Variants in ELMO1 observed in about 807,000 individuals in gnomAD.
The protein encoded by ELMO1 is engulfment and cell motility protein 1.
In ELMO1, 26 loss-of-function variants were observed where a neutral mutation model predicts 98.9. That is an observed-to-expected ratio of 0.26 (90% CI 0.19 to 0.36). The LOEUF is 0.36. Among genes scored for constraint, ELMO1 ranks in the 10% least tolerant of loss-of-function variants. The probability of loss-of-function intolerance (pLI) is 1.00; values close to 1 mark genes in which losing one functional copy is unlikely to be tolerated. For missense variants in ELMO1, 627 were observed against 935.2 expected (o/e 0.67, Z 4.30); for synonymous variants, 346 against 346.0 (o/e 1.00, Z 0.00).
At chr7:37,418,711 G>A (rs1269627915) in intron 1 of ELMO1, among the ~76,000 whole-genome samples, 2 of 152,216 alleles carry the variant, frequency 1.3e-5, no homozygotes, top group East Asian at 1.9e-4. Context: ...CAAGCGTGGA[G>A]ATGGAAAATC....
intron 13 of ELMO1, among the ~76,000 whole-genome samples, chr7:37,152,500 T>C (rs1417903178): frequency 6.6e-5 from 10 of 151,986 alleles, no homozygotes; most frequent in Admixed American, 5.2e-4. Context: ...ACTTAGTTTA[T>C]AGAATGTAGC....
intron 6 of ELMO1, among the ~76,000 whole-genome samples, chr7:37,255,300 C>T (rs1459076035): frequency 6.6e-6 from 1 of 152,142 alleles, no homozygotes; most frequent in Non-Finnish European, 1.5e-5. Flanking sequence ...GGGATGTGCA[C>T]ATGAGGACAG....
chr7:37,314,982 A>G (rs774139300), intron 3 of ELMO1, 60 bp from the exon 4 acceptor site: 263 of 1,510,906 alleles, frequency 1.7e-4, no homozygotes, highest in Non-Finnish European at 2.3e-4. Context: ...CATTTTTACA[A>G]TTTTTTAGTG....
At chr7:37,278,806 C>A (rs1344134560) in intron 4 of ELMO1, among the ~76,000 whole-genome samples, 1 of 152,180 alleles carries the variant, frequency 6.6e-6, no homozygotes. Flanking sequence ...AGGTGAGCAA[C>A]AAGGTCATCT....
intron 17 of ELMO1, among the ~76,000 whole-genome samples, chr7:36,892,381 C>T (rs961054147): frequency 6.6e-6 from 1 of 152,214 alleles, no homozygotes; most frequent in East Asian, 1.9e-4. Flanking sequence ...TGGGTTAGAT[C>T]CAACTCCTCT....
chr7:36,904,316 G>C (rs1036275103), intron 16 of ELMO1, among the ~76,000 whole-genome samples: 3 of 152,232 alleles, frequency 2.0e-5, no homozygotes, highest in Non-Finnish European at 4.4e-5. Context: ...CAGTTGGGAA[G>C]GGAGCTGCTC....
At chr7:37,289,452 C>CT (rs1331223793) in intron 4 of ELMO1, among the ~76,000 whole-genome samples, 16 of 152,212 alleles carry the variant, frequency 1.1e-4, no homozygotes, top group Admixed American at 1.0e-3. Flanking sequence ...AATGAACCAT[C>CT]TGTCATCAGC....
chr7:36,886,742 G>A (rs888343749), intron 18 of ELMO1, among the ~76,000 whole-genome samples: 1 of 152,208 alleles, frequency 6.6e-6, no homozygotes, highest in Non-Finnish European at 1.5e-5. Context: ...ACTTGTCCAG[G>A]AAAGAAACAG....
chr7:36,970,872 G>A (rs1196623049), intron 16 of ELMO1, among the ~76,000 whole-genome samples: 6 of 152,146 alleles, frequency 3.9e-5, no homozygotes, highest in African/African-American at 1.2e-4. Context: ...GAAGAACATC[G>A]ACGCACAGGA....
At chr7:37,161,109 T>G (rs957463870) in intron 13 of ELMO1, among the ~76,000 whole-genome samples, 1 of 152,170 alleles carries the variant, frequency 6.6e-6, no homozygotes, top group African/African-American at 2.4e-5. Flanking sequence ...TGGGCTCTTG[T>G]GAGGAGGCAG....
chr7:37,160,830 G>C (rs1320170899), intron 13 of ELMO1, among the ~76,000 whole-genome samples: 1 of 152,130 alleles, frequency 6.6e-6, no homozygotes, highest in Admixed American at 6.5e-5. Flanking sequence ...CATCAGGTAA[G>C]AGGCTGGCTA....
chr7:37,409,576 G>T (rs1033218025), intron 1 of ELMO1, among the ~76,000 whole-genome samples: 2 of 152,194 alleles, frequency 1.3e-5, no homozygotes, highest in South Asian at 2.1e-4. Flanking sequence ...GAAAGTTGAG[G>T]CTAATTGTTA....
chr7:37,142,697 T>C (rs1461455655), intron 13 of ELMO1, among the ~76,000 whole-genome samples: 2 of 152,204 alleles, frequency 1.3e-5, no homozygotes, highest in Non-Finnish European at 2.9e-5. Context: ...CTGTGCATCA[T>C]AGGCCAGCTG....
In ELMO1 at chr7:36,887,648, T is replaced by C; in HGVS notation, c.1626A>G (p.Pro542=). The change falls in exon 18 of 22, where the codon CCA becomes CCG. Residue 542 remains proline, a synonymous_variant. Transcript: ENST00000310758. ...GCTGTTTGATCAGCTCTAAGATTTCTGGCTGAATCTTCTCCTTTAGTTCCC... is the reference window on the plus strand; with the variant it reads ...GCTGTTTGATCAGCTCTAAGATTTCCGGCTGAATCTTCTCCTTTAGTTCCC... ...PILELKEKIQ[P]EILELIKQQR... is the part of the protein sequence containing the mutation. 6.8e-6 allele frequency: 11 copies of C among 1,614,096 alleles called. No individual in the cohort carries two copies. The highest frequency in any genetic ancestry group is 2.2e-5 in the South Asian group (2 of 91,078).
chr7:37,183,240 G>A (rs752751261), intron 13 of ELMO1, among the ~76,000 whole-genome samples: 13 of 152,236 alleles, frequency 8.5e-5, no homozygotes, highest in South Asian at 2.1e-4. Context: ...TATCGAGAGT[G>A]AGCAACACGT....
chr7:37,178,769 C>A (rs1039172384), intron 13 of ELMO1, among the ~76,000 whole-genome samples: 6 of 152,192 alleles, frequency 3.9e-5, no homozygotes, highest in Non-Finnish European at 8.8e-5. Context: ...AAACCTATAA[C>A]CCCAGTCTAA....
chr7:37,381,862 A>T (rs1388206649), intron 1 of ELMO1, among the ~76,000 whole-genome samples: 1 of 152,174 alleles, frequency 6.6e-6, no homozygotes, highest in Non-Finnish European at 1.5e-5. Context: ...TCAATAACAA[A>T]GGTTAGGATC....
chr7:36,884,645 T>TCA (rs1405295547), intron 18 of ELMO1, among the ~76,000 whole-genome samples: 1 of 152,212 alleles, frequency 6.6e-6, no homozygotes, highest in Non-Finnish European at 1.5e-5. Context: ...TCTGTAAATG[T>TCA]CTGCATGTGA....
intron 11 of ELMO1, among the ~76,000 whole-genome samples, chr7:37,215,930 C>T (rs917683958): frequency 3.9e-5 from 6 of 152,094 alleles, no homozygotes; most frequent in African/African-American, 1.4e-4. Context: ...TGTAAGCTTG[C>T]TGAACTGCTC....
Sources: gnomAD v4.1 joint callset for allele counts (sites outside exome capture counted in the v4.1 genomes callset) on GRCh38, gnomAD v4.1.1 for gene constraint, MANE v1.5 for transcripts, NCBI Gene and HGNC (gene_info 2026-07-23, HGNC 2026-07-21) for gene names.